The following FNBP1L variants were observed in gnomAD, a reference collection of about 807,000 sequenced individuals.
FNBP1L encodes the protein formin binding protein 1 like.
Under a neutral mutation model 91.2 loss-of-function variants are expected in FNBP1L, and 36 were observed. The observed-to-expected ratio is 0.39, with a 90% CI of 0.30 to 0.52. The LOEUF is 0.52. Among genes scored for constraint, FNBP1L ranks in the 20% least tolerant of loss-of-function variants. The probability of loss-of-function intolerance (pLI) is 0.66; values close to 1 mark genes in which losing one functional copy is unlikely to be tolerated. For missense variants in FNBP1L, 571 were observed against 732.1 expected (o/e 0.78, Z 2.54); for synonymous variants, 242 against 237.0 (o/e 1.02, Z -0.19).
intron 14 of FNBP1L, among the ~76,000 whole-genome samples, chr1:93,548,782 T>C (rs1672317091): frequency 1.3e-5 from 2 of 152,074 alleles, no homozygotes; most frequent in Admixed American, 6.6e-5. Context: ...CAAGCAAAAG[T>C]TTCTGTGCAT....
intron 16 of FNBP1L, chr1:93,551,633 T>G (rs1672419787): frequency 1.0e-6 from 1 of 984,844 alleles, no homozygotes; most frequent in Non-Finnish European, 1.2e-6. Flanking sequence ...AACATCATTT[T>G]CATTTTCTTA....
intron 2 of FNBP1L, among the ~76,000 whole-genome samples, chr1:93,517,390 G>A (rs1227193340): frequency 1.3e-5 from 2 of 151,896 alleles, no homozygotes; most frequent in East Asian, 3.9e-4. Flanking sequence ...CAGTGGCAAC[G>A]ATCATAGCTC....
intron 2 of FNBP1L, among the ~76,000 whole-genome samples, chr1:93,502,223 C>T (rs1235067783): frequency 2.6e-5 from 4 of 152,014 alleles, no homozygotes; most frequent in Non-Finnish European, 5.9e-5. Context: ...CAATGATTAC[C>T]GTTGTGGAAC....
intron 16 of FNBP1L, chr1:93,552,173 T>A: frequency 7.9e-7 from 1 of 1,271,298 alleles, no homozygotes; most frequent in Non-Finnish European, 9.9e-7. Context: ...AGTCAAGGAT[T>A]GTGCAGTGCT....
intron 3 of FNBP1L, among the ~76,000 whole-genome samples, chr1:93,522,949 A>G (rs1349929849): frequency 5.9e-5 from 9 of 152,156 alleles, no homozygotes; most frequent in Non-Finnish European, 2.9e-5. Context: ...TCTGTAGATC[A>G]GCCATCGAGA....
At chr1:93,485,191 C>A (rs1240119911) in intron 1 of FNBP1L, among the ~76,000 whole-genome samples, 1 of 150,854 alleles carries the variant, frequency 6.6e-6, no homozygotes, top group African/African-American at 2.4e-5. Flanking sequence ...AGTAGGATCT[C>A]CCACATTACA....
intron 5 of FNBP1L, 56 bp from the exon 6 acceptor site, chr1:93,529,596 A>C (rs1671610032): frequency 9.2e-7 from 1 of 1,085,122 alleles, no homozygotes; most frequent in Admixed American, 3.2e-5. Flanking sequence ...GTTATTTCTT[A>C]AATGAAGTTA....
intron 2 of FNBP1L, among the ~76,000 whole-genome samples, chr1:93,516,094 T>C (rs1671096817): frequency 6.6e-6 from 1 of 152,204 alleles, no homozygotes; most frequent in African/African-American, 2.4e-5. Flanking sequence ...ATAGTTTTAA[T>C]TGTACAATAT....
intron 1 of FNBP1L, among the ~76,000 whole-genome samples, chr1:93,484,691 T>C (rs1031218543): frequency 2.6e-5 from 4 of 152,178 alleles, no homozygotes; most frequent in African/African-American, 9.7e-5. Flanking sequence ...GACTTGAGAA[T>C]CTGAGCAAAG....
chr1:93,531,955 G>A (rs1170724661), intron 7 of FNBP1L, among the ~76,000 whole-genome samples: 5 of 152,124 alleles, frequency 3.3e-5, no homozygotes, highest in African/African-American at 1.2e-4. Context: ...TGGACTTTAT[G>A]TGTTCCAACA....
intron 7 of FNBP1L, among the ~76,000 whole-genome samples, chr1:93,532,193 G>A (rs1671697410): frequency 2.6e-5 from 4 of 151,114 alleles, no homozygotes; most frequent in Admixed American, 2.0e-4. Context: ...ACTTGGCCGG[G>A]GGCAGTGGCT....
At chr1:93,551,896 T>A (rs1672427578) in intron 16 of FNBP1L, 1 of 985,366 alleles carries the variant, frequency 1.0e-6, no homozygotes. Flanking sequence ...AATACCACTT[T>A]AGTGATTATT....
At chr1:93,506,173 A>G (rs1670605218) in intron 2 of FNBP1L, among the ~76,000 whole-genome samples, 1 of 152,216 alleles carries the variant, frequency 6.6e-6, no homozygotes, top group Non-Finnish European at 1.5e-5. Flanking sequence ...TCATACTGCT[A>G]GAAGGCTTGG....
intron 2 of FNBP1L, among the ~76,000 whole-genome samples, chr1:93,517,690 C>T (rs1239940334): frequency 6.6e-6 from 1 of 151,604 alleles, no homozygotes; most frequent in Non-Finnish European, 1.5e-5. Flanking sequence ...TACCTGTAAT[C>T]TTCCTAGCTT....
intron 1 of FNBP1L, among the ~76,000 whole-genome samples, chr1:93,492,542 T>C (rs1180792336): frequency 6.6e-6 from 1 of 152,190 alleles, no homozygotes; most frequent in Non-Finnish European, 1.5e-5. Context: ...CTTAGAAAGT[T>C]TCCTATAAAG....
At chr1:93,517,157 C>G (rs537066930) in intron 2 of FNBP1L, among the ~76,000 whole-genome samples, 18 of 151,378 alleles carry the variant, frequency 1.2e-4, no homozygotes, top group Non-Finnish European at 2.7e-4. Context: ...AGTTCTCATA[C>G]CTCACCCTCC....
chr1:93,479,051 T>C (rs1479300451), intron 1 of FNBP1L, among the ~76,000 whole-genome samples: 1 of 152,246 alleles, frequency 6.6e-6, no homozygotes, highest in East Asian at 1.9e-4. Flanking sequence ...ACCCCAATAT[T>C]TCAACGTAGG....
intron 1 of FNBP1L, among the ~76,000 whole-genome samples, chr1:93,454,329 G>GGT (rs1479184283): frequency 2.5e-5 from 3 of 119,478 alleles, no homozygotes; most frequent in Admixed American, 8.1e-5. Context: ...TGTGTGTATG[G>GGT]GTGTGTCTGT....
chr1:93,479,515 G>A (rs1046876625), intron 1 of FNBP1L, among the ~76,000 whole-genome samples: 1 of 152,140 alleles, frequency 6.6e-6, no homozygotes, highest in Admixed American at 6.5e-5. Context: ...TACTGCAGGA[G>A]ACCAGGGCGT....
Sources: gnomAD v4.1 joint callset for allele counts (sites outside exome capture counted in the v4.1 genomes callset) on GRCh38, gnomAD v4.1.1 for gene constraint, MANE v1.5 for transcripts, NCBI Gene and HGNC (gene_info 2026-07-23, HGNC 2026-07-21) for gene names.